The following SLC35D4 variants were observed in gnomAD, a reference collection of about 807,000 sequenced individuals.
The protein encoded by SLC35D4 is UDP-N-acetylglucosamine transporter SLC35D4.
the SLC35D4 span, among the ~76,000 whole-genome samples, chr18:23,330,228 G>A: frequency 6.6e-6 from 1 of 152,008 alleles, no homozygotes; most frequent in African/African-American, 2.4e-5. Flanking sequence ...CCCAACAGGT[G>A]AAGAACAATC....
At chr18:23,365,832 T>A in the SLC35D4 span, among the ~76,000 whole-genome samples, 1 of 152,206 alleles carries the variant, frequency 6.6e-6, no homozygotes, top group Non-Finnish European at 1.5e-5. Flanking sequence ...AAGAATGTCT[T>A]GAAATGTCTC....
chr18:23,279,219 C>T, the SLC35D4 span, among the ~76,000 whole-genome samples: 1 of 152,066 alleles, frequency 6.6e-6, no homozygotes, highest in East Asian at 1.9e-4. Context: ...TCTTCAAATC[C>T]AGGTGAGAAG....
the SLC35D4 span, among the ~76,000 whole-genome samples, chr18:23,363,530 A>G: frequency 1.3e-4 from 20 of 151,284 alleles, no homozygotes; most frequent in Non-Finnish European, 5.9e-5. Context: ...GCCCGCCACC[A>G]CGCCCGGCTA....
At chr18:23,271,912 C>T in the SLC35D4 span, among the ~76,000 whole-genome samples, 1 of 152,196 alleles carries the variant, frequency 6.6e-6, no homozygotes, top group South Asian at 2.1e-4. Flanking sequence ...GGAATGGAAA[C>T]TCTGAGGCCC....
the SLC35D4 span, among the ~76,000 whole-genome samples, chr18:23,265,367 C>T: frequency 6.6e-6 from 1 of 152,098 alleles, no homozygotes; most frequent in Non-Finnish European, 1.5e-5. Context: ...TCCCAATGCA[C>T]GAGCCATCAA....
chr18:23,402,525 C>A, the SLC35D4 span, among the ~76,000 whole-genome samples: 6 of 152,286 alleles, frequency 3.9e-5, no homozygotes, highest in East Asian at 1.2e-3. Context: ...ATTCCCTAGG[C>A]CAGGTGCAGT....
chr18:23,361,881 T>C, the SLC35D4 span, among the ~76,000 whole-genome samples: 1 of 152,246 alleles, frequency 6.6e-6, no homozygotes, highest in Admixed American at 6.5e-5. Flanking sequence ...CTTATTGAGA[T>C]ATAATTTGCA....
the SLC35D4 span, among the ~76,000 whole-genome samples, chr18:23,268,912 C>G: frequency 6.6e-6 from 1 of 152,184 alleles, no homozygotes. Context: ...GACTCTAAAT[C>G]TTAGCTAAAC....
the SLC35D4 span, among the ~76,000 whole-genome samples, chr18:23,250,157 A>G: frequency 6.6e-6 from 1 of 152,250 alleles, no homozygotes; most frequent in Admixed American, 6.5e-5. Context: ...AACAGAACCC[A>G]GCCTGAAAAT....
At chr18:23,267,374 A>C in the SLC35D4 span, among the ~76,000 whole-genome samples, 4 of 152,048 alleles carry the variant, frequency 2.6e-5, no homozygotes, top group African/African-American at 9.7e-5. Flanking sequence ...CTCAGACTCT[A>C]TAGGCTCTTC....
chr18:23,373,030 C>T, the SLC35D4 span, among the ~76,000 whole-genome samples: 3 of 151,780 alleles, frequency 2.0e-5, no homozygotes, highest in Non-Finnish European at 2.9e-5. Context: ...AATCATTTTG[C>T]AGGCCAGGCA....
At chr18:23,397,685 C>G in the SLC35D4 span, among the ~76,000 whole-genome samples, 4 of 152,242 alleles carry the variant, frequency 2.6e-5, no homozygotes, top group South Asian at 8.3e-4. Context: ...ACTACTACAC[C>G]CTGGGCTCAC....
the SLC35D4 span, chr18:23,295,943 G>A: frequency 6.6e-6 from 1 of 152,024 alleles, no homozygotes; most frequent in Non-Finnish European, 1.5e-5. Context: ...ACATCTATTA[G>A]GAACAGAAAT....
chr18:23,272,339 G>C, the SLC35D4 span, among the ~76,000 whole-genome samples: 4 of 152,150 alleles, frequency 2.6e-5, no homozygotes, highest in African/African-American at 4.8e-5. Flanking sequence ...CAGCTATTCA[G>C]GAGGCTGAGG....
At chr18:23,246,565 G>A in the SLC35D4 span, among the ~76,000 whole-genome samples, 2 of 151,778 alleles carry the variant, frequency 1.3e-5, no homozygotes, top group Non-Finnish European at 2.9e-5. Context: ...CTAATTTTTT[G>A]TGTTTTTAGT....
At chr18:23,344,045 C>A in the SLC35D4 span, among the ~76,000 whole-genome samples, 1 of 152,042 alleles carries the variant, frequency 6.6e-6, no homozygotes, top group East Asian at 1.9e-4. Context: ...ATTACAGGTG[C>A]GTGCCACGAC....
chr18:23,315,430 C>T, the SLC35D4 span, among the ~76,000 whole-genome samples: 2 of 152,200 alleles, frequency 1.3e-5, no homozygotes, highest in South Asian at 2.1e-4. Context: ...CCCTTGCCAT[C>T]GCACATGCCA....
At chr18:23,239,944 C>G in the SLC35D4 span, among the ~76,000 whole-genome samples, 1 of 152,128 alleles carries the variant, frequency 6.6e-6, no homozygotes, top group Non-Finnish European at 1.5e-5. Context: ...GTGGTAAAAC[C>G]CCATCTCTAC....
the SLC35D4 span, among the ~76,000 whole-genome samples, chr18:23,276,289 C>T: frequency 4.0e-4 from 61 of 152,110 alleles, no homozygotes; most frequent in Non-Finnish European, 7.6e-4. Flanking sequence ...GGGGTTTCAC[C>T]GTGTTAGCCA....
Sources: allele counts gnomAD v4.1 joint callset (sites outside exome capture counted in the v4.1 genomes callset), GRCh38; gene constraint gnomAD v4.1.1; transcripts MANE v1.5; gene names NCBI Gene and HGNC (gene_info 2026-07-23, HGNC 2026-07-21).